The following DNAAF4 variants were observed in gnomAD, a reference collection of about 807,000 sequenced individuals.
The protein encoded by DNAAF4 is dynein assembly factor 4, axonemal.
DNAAF4 carries 43 observed loss-of-function variants against 51.8 expected under a neutral mutation model. The observed-to-expected ratio is 0.83, with a 90% confidence interval of 0.65 to 1.07. The LOEUF (loss-of-function observed/expected upper bound fraction) is 1.07. Ranked by LOEUF, DNAAF4 falls within the 50% of genes least tolerant of loss-of-function variation. The pLI, the probability that DNAAF4 is intolerant of heterozygous loss-of-function variation, is 0.00. For synonymous variants in DNAAF4, 194 were observed against 165.6 expected (o/e 1.17, Z -1.32); for missense variants, 581 against 493.0 (o/e 1.18, Z -1.69).
At chr15:55,483,623 C>T (rs1349046607) in intron 4 of DNAAF4, among the ~76,000 whole-genome samples, 2 of 151,958 alleles carry the variant, frequency 1.3e-5, no homozygotes, top group Non-Finnish European at 2.9e-5. Flanking sequence ...CCACTGCAAC[C>T]TCTGTCTTCT....
intron 6 of DNAAF4, among the ~76,000 whole-genome samples, chr15:55,441,396 G>A (rs1051499432): frequency 1.3e-5 from 2 of 151,926 alleles, no homozygotes; most frequent in African/African-American, 2.4e-5. Flanking sequence ...TATCTTTCTG[G>A]GTTATAATAT....
At chr15:55,494,309 G>T (rs1214859640) in intron 3 of DNAAF4, among the ~76,000 whole-genome samples, 1 of 151,452 alleles carries the variant, frequency 6.6e-6, no homozygotes, top group Admixed American at 6.6e-5. Flanking sequence ...GATTACAGGC[G>T]TGAGCCAGCG....
At chr15:55,459,926 A>G (rs975399867) in intron 5 of DNAAF4, among the ~76,000 whole-genome samples, 2 of 151,284 alleles carry the variant, frequency 1.3e-5, no homozygotes, top group African/African-American at 4.9e-5. Context: ...CTGGTCTCAA[A>G]CTCCTGACCT....
intron 6 of DNAAF4, among the ~76,000 whole-genome samples, chr15:55,443,866 T>C (rs972253940): frequency 1.1e-4 from 17 of 152,240 alleles, no homozygotes; most frequent in African/African-American, 4.1e-4. Context: ...TGTCTGTTCA[T>C]ATCCTTCACC....
intron 5 of DNAAF4, among the ~76,000 whole-genome samples, chr15:55,462,037 T>C (rs1220447362): frequency 4.6e-5 from 7 of 152,114 alleles, no homozygotes; most frequent in Admixed American, 3.3e-4. Context: ...CTACAGGAGA[T>C]GGATAAATTC....
At chr15:55,423,896 C>T (rs2057408563) in intron 7 of DNAAF4, among the ~76,000 whole-genome samples, 1 of 152,130 alleles carries the variant, frequency 6.6e-6, no homozygotes, top group African/African-American at 2.4e-5. Flanking sequence ...TTGAGACCAG[C>T]CTGGGCAACA....
intron 4 of DNAAF4, among the ~76,000 whole-genome samples, chr15:55,472,539 A>G (rs2058269501): frequency 6.6e-6 from 1 of 151,962 alleles, no homozygotes; most frequent in African/African-American, 2.4e-5. Flanking sequence ...AATCACTTGA[A>G]TCTCGGAGGC....
chr15:55,450,819 C>T (rs187511189), intron 5 of DNAAF4, among the ~76,000 whole-genome samples: 37 of 152,248 alleles, frequency 2.4e-4, no homozygotes, highest in African/African-American at 6.7e-4. Context: ...CTGGCAAGGA[C>T]GGGCGCAGTG....
At chr15:55,432,699 A>T in intron 8 of DNAAF4, 97 bp from the exon 9 acceptor site, 1 of 1,078,804 alleles carries the variant, frequency 9.3e-7, no homozygotes, top group Non-Finnish European at 1.3e-6. Context: ...TAATCCCAAC[A>T]CTTGGGGAGG....
chr15:55,439,537 G>A lies in DNAAF4; in HGVS notation c.828C>T (p.Asp276=). 2 of 1,614,074 alleles carry A rather than the reference G, an allele frequency of 1.2e-6. No homozygotes were observed. The highest frequency in any genetic ancestry group is 1.7e-5 in the Admixed American group (1 of 60,004). The change falls in exon 7 of 10, where the codon GAC becomes GAT. Residue 276 remains aspartate (D), a synonymous_variant. Coordinates refer to ENST00000321149, the MANE Select transcript of DNAAF4 (RefSeq NM_130810.4). ...QAEARRAMNT[D]IAELCDLKEE... is the part of the protein sequence containing the mutation. ...CTTTTAAATCGCAAAGTTCAGCTAT[G>A]TCAGTATTCATTGCTCTTCGTGCCT...
Position 55,451,962 on chromosome 15 carries a change from T to C in DNAAF4, c.638-1595A>G, listed in dbSNP as rs77418756. The stretch of plus-strand genomic sequence containing the variant: ...AAATAGTAATACAAAAGAAGGAAAA[T>C]AGGTCTGGGCGCAGCGGCTCACACC... On this transcript the variant is annotated intron_variant, in intron 5 of 9. Coordinates refer to ENST00000321149, the MANE Select transcript of DNAAF4 (RefSeq NM_130810.4). Among the ~76,000 whole-genome samples, 1,272 of 151,644 alleles carry C rather than the reference T, an allele frequency of 8.4e-3. 14 individuals carry two copies. Among genetic ancestry groups the C allele is most frequent in the African/African-American group, 0.029 (1,212 of 41,378 alleles).
chr15:55,460,350 T>C (rs2141486673), intron 5 of DNAAF4, among the ~76,000 whole-genome samples: 1 of 152,102 alleles, frequency 6.6e-6, no homozygotes, highest in East Asian at 2.0e-4. Context: ...CGGCTAATTT[T>C]TGTGTTTTTA....
chr15:55,473,285 GTA>G lies in DNAAF4; in HGVS notation c.406-6126_406-6125del, dbSNP rs1187177457. ...TGTGTATATATGTGTATATATATGT[GTA>G]TATATATGTGTATATATATGTGTGT... On this transcript the variant is annotated intron_variant, in intron 4 of 9. Transcript: ENST00000321149. Among the ~76,000 whole-genome samples the G allele has an allele frequency of 1.3e-4, 16 of 127,388 alleles. 1 individual carries two copies. Among genetic ancestry groups the G allele is most frequent in the East Asian group, 2.4e-4 (1 of 4,246 alleles). The allele number at this position is 127,388 out of a possible 152,430, so 83.6% of individuals were successfully genotyped here.
At position 55,497,817 on chromosome 15, in the gene DNAAF4, G is replaced by C; in HGVS notation, c.166C>G (p.Pro56Ala). 6.2e-7 allele frequency: 1 copy of C among 1,613,498 alleles called. No homozygotes were observed. Among genetic ancestry groups the C allele is most frequent in the East Asian group, 2.2e-5 (1 of 44,868 alleles). The change falls in exon 3 of 10, where the codon CCC (proline) becomes GCC (alanine). Residue 56 changes from proline to alanine, a missense_variant. By Grantham distance (27) the Pro-to-Ala change is conservative. Transcript: ENST00000321149. ...PFLFEAFLYA[P>A]IDDESSKAKI... ...GCTTTGCTGCTCTCATCGTCTATGG[G>C]AGCATAAAGAAATGCCTCAAATAAA... is the stretch of plus-strand genomic sequence containing the variant.
At chr15:55,471,690 T>C (rs551622007) in intron 4 of DNAAF4, among the ~76,000 whole-genome samples, 109 of 151,944 alleles carry the variant, frequency 7.2e-4, no homozygotes, top group African/African-American at 2.3e-3. Flanking sequence ...ATTTTTTGTA[T>C]TTTTAGTAGA....
intron 4 of DNAAF4, among the ~76,000 whole-genome samples, chr15:55,469,702 G>A (rs1441228547): frequency 2.0e-5 from 3 of 151,554 alleles, no homozygotes; most frequent in Non-Finnish European, 1.5e-5. Context: ...GTGTTAGCCA[G>A]GATGGTCTCG....
rs11286206 is a variant in DNAAF4, at chr15:55,466,678, CA to C, written c.637+251del. 0.04 allele frequency among the ~76,000 whole-genome samples: 6,129 copies of C among 152,172 alleles called. 406 individuals are homozygous for C. Among genetic ancestry groups the C allele is most frequent in the African/African-American group, 0.14 (5,797 of 41,510 alleles). ...TATTTAACAACATCTTTGTAAATTT[CA>C]AAAGAAAGCACACAAGCAAAGAAGA... On this transcript the variant is annotated intron_variant, in intron 5 of 9. Coordinates refer to ENST00000321149, the MANE Select transcript of DNAAF4 (RefSeq NM_130810.4).
chr15:55,424,461 G>C (rs1407531773), intron 7 of DNAAF4, among the ~76,000 whole-genome samples: 1 of 152,172 alleles, frequency 6.6e-6, no homozygotes, highest in African/African-American at 2.4e-5. Flanking sequence ...AAAATCCTTT[G>C]CCCTTATTTC....
downstream of DNAAF4, among the ~76,000 whole-genome samples, chr15:55,427,105 C>T (rs1182518276): frequency 2.0e-5 from 3 of 152,014 alleles, no homozygotes; most frequent in Admixed American, 6.6e-5. Context: ...CTCGCTCTGT[C>T]GCCCAGGCTG....
Sources: gnomAD v4.1 joint callset for allele counts (sites outside exome capture counted in the v4.1 genomes callset) on GRCh38, gnomAD v4.1.1 for gene constraint, MANE v1.5 for transcripts, NCBI Gene and HGNC (gene_info 2026-07-23, HGNC 2026-07-21) for gene names.